Variants in AMBRA1 observed in about 807,000 individuals in gnomAD.
AMBRA1 encodes the protein autophagy and beclin 1 regulator 1.
In AMBRA1, 47 loss-of-function variants were observed where a neutral mutation model predicts 125.4. The ratio of observed to expected loss-of-function variants is 0.37; its 90% CI spans 0.30 to 0.48. AMBRA1 has a LOEUF of 0.48. Among genes scored for constraint, AMBRA1 ranks in the 20% least tolerant of loss-of-function variants. The pLI is 0.99. For missense variants in AMBRA1, 1,331 were observed against 1,693.4 expected, an observed-to-expected ratio of 0.79 and a Z score of 3.76; for synonymous variants, 626 against 655.5, an observed-to-expected ratio of 0.95 and a Z score of 0.69.
chr11:46,467,961 G>A (rs1949398635), intron 11 of AMBRA1, among the ~76,000 whole-genome samples: 2 of 152,250 alleles, frequency 1.3e-5, no homozygotes, highest in South Asian at 4.1e-4. Flanking sequence ...GGAACAACCA[G>A]GCAGGAAACT....
intron 15 of AMBRA1, among the ~76,000 whole-genome samples, chr11:46,412,729 G>T (rs1266220792): frequency 6.6e-6 from 1 of 152,134 alleles, no homozygotes; most frequent in African/African-American, 2.4e-5. Flanking sequence ...CATTTTTGTG[G>T]GGTTTGGGGA....
chr11:46,585,695 A>ATATATATATATAT (rs869244690), intron 1 of AMBRA1, among the ~76,000 whole-genome samples: 2 of 22,912 alleles, frequency 8.7e-5, no homozygotes, highest in African/African-American at 3.6e-4. Flanking sequence ...AAAAAAAAAA[A>ATATATATATATAT]ATATATATAT....
intron 5 of AMBRA1, among the ~76,000 whole-genome samples, chr11:46,544,321 C>T (rs933912233): frequency 9.2e-5 from 14 of 152,188 alleles, no homozygotes; most frequent in Admixed American, 6.5e-4. Context: ...CACACCTTTG[C>T]TCAAATACAA....
chr11:46,447,314 C>T (rs944404019), intron 11 of AMBRA1, among the ~76,000 whole-genome samples: 2 of 151,900 alleles, frequency 1.3e-5, no homozygotes, highest in African/African-American at 4.8e-5. Context: ...GCAGGAGGAT[C>T]ACTTGAGGTC....
chr11:46,482,425 G>A (rs2136923084), intron 11 of AMBRA1, among the ~76,000 whole-genome samples: 1 of 152,282 alleles, frequency 6.6e-6, no homozygotes, highest in African/African-American at 2.4e-5. Flanking sequence ...CTTGCTGTTG[G>A]GAGTCAGCAA....
At chr11:46,510,567 A>G (rs1590989134) in intron 8 of AMBRA1, among the ~76,000 whole-genome samples, 1 of 152,338 alleles carries the variant, frequency 6.6e-6, no homozygotes, top group Admixed American at 6.5e-5. Context: ...TGGAAAAAAC[A>G]TAATATTATT....
At chr11:46,445,996 AATG>A (rs2136763286) in intron 11 of AMBRA1, among the ~76,000 whole-genome samples, 1 of 152,312 alleles carries the variant, frequency 6.6e-6, no homozygotes, top group East Asian at 1.9e-4. Context: ...TGGGAACACA[AATG>A]ATTAAGACTC....
chr11:46,483,656 T>C (rs1457429889), intron 11 of AMBRA1, among the ~76,000 whole-genome samples: 1 of 152,154 alleles, frequency 6.6e-6, no homozygotes, highest in East Asian at 1.9e-4. Flanking sequence ...TCGCAGCACT[T>C]TGGGAGACCA....
At chr11:46,527,477 CAAAAAAAAAAA>C (rs59904013) in intron 7 of AMBRA1, among the ~76,000 whole-genome samples, 10 of 25,938 alleles carry the variant, frequency 3.9e-4, no homozygotes, top group East Asian at 2.0e-3. Flanking sequence ...GAGACTGTCT[CAAAAAAAAAAA>C]AAAAAAAAAA....
At chr11:46,543,853 T>A (rs1287212463) in intron 6 of AMBRA1, 122 bp downstream of exon 6, 1 of 836,408 alleles carries the variant, frequency 1.2e-6, no homozygotes, top group African/African-American at 1.7e-5. Flanking sequence ...TAGCTTTAAA[T>A]CTTGACTGGA....
At chr11:46,549,703 A>G (rs1811308422) in intron 1 of AMBRA1, among the ~76,000 whole-genome samples, 1 of 152,218 alleles carries the variant, frequency 6.6e-6, no homozygotes, top group African/African-American at 2.4e-5. Context: ...GACTCTAATC[A>G]AAACTCAAGC....
chr11:46,522,565 T>G (rs761857886), intron 7 of AMBRA1, among the ~76,000 whole-genome samples: 1 of 152,174 alleles, frequency 6.6e-6, no homozygotes, highest in Non-Finnish European at 1.5e-5. Flanking sequence ...CATGCACACA[T>G]GCCCCCTACA....
At chr11:46,433,342 C>T in intron 14 of AMBRA1, 132 bp downstream of exon 14, 4 of 1,134,710 alleles carry the variant, frequency 3.5e-6, no homozygotes, top group Non-Finnish European at 4.8e-6. Flanking sequence ...GGCTTGACTA[C>T]AGCCCTTCCT....
At chr11:46,405,939 C>T (rs998248432) in intron 17 of AMBRA1, among the ~76,000 whole-genome samples, 9 of 151,816 alleles carry the variant, frequency 5.9e-5, no homozygotes, top group African/African-American at 9.7e-5. Flanking sequence ...TGCTGTGTTG[C>T]CCAGGCTGGT....
chr11:46,514,070 C>CTTGG (rs1277083697), intron 7 of AMBRA1, among the ~76,000 whole-genome samples: 1 of 152,102 alleles, frequency 6.6e-6, no homozygotes, highest in Non-Finnish European at 1.5e-5. Flanking sequence ...CATATTGTTC[C>CTTGG]TCTCCAGCAG....
rs774978894 is a variant in AMBRA1, at chr11:46,543,340, C to T, written c.677G>A (p.Arg226His). Residue 226 changes from arginine (R) to histidine (H), a missense_variant, in exon 7 of 18, where the codon CGT (arginine) becomes CAT (histidine). Around this residue, in one of 4 missense-constraint regions of AMBRA1, gnomAD observed 689 missense variants for 776.5 expected, o/e 0.89. Coordinates refer to ENST00000683756, the MANE Select transcript of AMBRA1 (RefSeq NM_001387011.1). Reference protein sequence around the residue: ...DGTELSHYRQRALLQSQPVRR... With the variant: ...DGTELSHYRQHALLQSQPVRR... ...AACTGGCTGTGATTGCAGGAGGGCACGCTGACGGTAGTGGGATAATTCTGT... is the reference window on the plus strand; with the variant it reads ...AACTGGCTGTGATTGCAGGAGGGCATGCTGACGGTAGTGGGATAATTCTGT... 71 of 1,613,868 alleles carry T rather than the reference C, an allele frequency of 4.4e-5. No homozygotes were observed. The highest frequency in any genetic ancestry group is 5.5e-5 in the Non-Finnish European group (65 of 1,179,974).
intron 7 of AMBRA1, among the ~76,000 whole-genome samples, chr11:46,537,262 G>A (rs188404440): frequency 2.8e-4 from 43 of 152,308 alleles, no homozygotes; most frequent in African/African-American, 1.0e-3. Context: ...AGCAACAGAG[G>A]TTTTGACAAA....
chr11:46,479,315 G>A (rs1201994935), intron 11 of AMBRA1, among the ~76,000 whole-genome samples: 1 of 152,166 alleles, frequency 6.6e-6, no homozygotes, highest in Non-Finnish European at 1.5e-5. Flanking sequence ...AATGATTTAG[G>A]CCCTTCTGTA....
In AMBRA1 at chr11:46,548,390, T is replaced by C; in HGVS notation, c.-10A>G. The C allele has an allele frequency of 3.7e-6, 6 of 1,613,398 alleles. No homozygotes were observed. Among genetic ancestry groups the C allele is most frequent in the South Asian group, 3.3e-5 (3 of 91,078 alleles). On this transcript the variant is annotated 5_prime_UTR_variant, in exon 2 of 18. Coordinates refer to ENST00000683756, the MANE Select transcript of AMBRA1 (RefSeq NM_001387011.1). ...CTGGGACAACCTTCATGGCGCTCAG[T>C]AGCCACTGTCACACCAGGCCCAGGA...
Sources: allele counts gnomAD v4.1 joint callset (sites outside exome capture counted in the v4.1 genomes callset), GRCh38; gene constraint gnomAD v4.1.1; regional missense constraint gnomAD v4.1.1; transcripts MANE v1.5; gene names NCBI Gene and HGNC (gene_info 2026-07-23, HGNC 2026-07-21).